Variants in DRC11L observed in about 807,000 individuals in gnomAD.
DRC11L encodes dynein regulatory complex subunit 11 like, also known as dynein regulatory complex subunit like-11.
At chr7:151,195,554 A>T in the DRC11L span, 1 of 399,812 alleles carries the variant, frequency 2.5e-6, no homozygotes, top group Non-Finnish European at 4.4e-6. Flanking sequence ...TCCCCTGCCC[A>T]GCCCCAGCCC....
chr7:151,191,219 G>A, the DRC11L span: 1 of 397,888 alleles, frequency 2.5e-6, no homozygotes, highest in Non-Finnish European at 4.4e-6. Context: ...TTAGTGCTGG[G>A]GTTTCCCTTG....
the DRC11L span, chr7:151,195,560 A>T: frequency 2.5e-6 from 1 of 399,608 alleles, no homozygotes; most frequent in Middle Eastern, 6.3e-4. Flanking sequence ...GCCCAGCCCC[A>T]GCCCCTCATC....
At chr7:151,199,198 G>A in the DRC11L span, among the ~76,000 whole-genome samples, 4 of 152,120 alleles carry the variant, frequency 2.6e-5, no homozygotes, top group South Asian at 2.1e-4. The surrounding 1 kb of genome is among the most constrained non-coding windows in gnomAD (Gnocchi z 5.2). Flanking sequence ...GTTTGGAGCC[G>A]AATTCGTCTG....
At chr7:151,201,026 C>T in the DRC11L span, among the ~76,000 whole-genome samples, 1 of 152,184 alleles carries the variant, frequency 6.6e-6, no homozygotes, top group Admixed American at 6.5e-5. This position sits in a 1 kb window ranked among gnomAD's most constrained non-coding sequence, Gnocchi z 4.1. Context: ...GGCCCAAGAC[C>T]CCATCTGTGC....
chr7:151,191,801 A>G, the DRC11L span: 53 of 398,992 alleles, frequency 1.3e-4, 1 homozygote, highest in East Asian at 1.8e-3. Flanking sequence ...GCCATCGGAG[A>G]CCTTGGCTAG....
the DRC11L span, chr7:151,193,102 C>G: frequency 6.8e-5 from 27 of 397,670 alleles, no homozygotes; most frequent in Non-Finnish European, 1.1e-4. Context: ...CCTCCCTTTT[C>G]CCTTCATTCC....
At chr7:151,203,453 T>C in the DRC11L span, 1 of 399,032 alleles carries the variant, frequency 2.5e-6, no homozygotes, top group Non-Finnish European at 4.4e-6. Flanking sequence ...CAGCCCTCGC[T>C]CCCGCACAGT....
At chr7:151,194,421 A>C in the DRC11L span, 1 of 398,954 alleles carries the variant, frequency 2.5e-6, no homozygotes, top group Admixed American at 4.4e-5. Context: ...CAATCAGGTG[A>C]TCAGCCACAG....
At chr7:151,199,867 G>C in the DRC11L span, among the ~76,000 whole-genome samples, 5 of 152,224 alleles carry the variant, frequency 3.3e-5, no homozygotes, top group Non-Finnish European at 7.4e-5. This position sits in a 1 kb window ranked among gnomAD's most constrained non-coding sequence, Gnocchi z 5.2. Flanking sequence ...AGAGGACAGA[G>C]AACAGGGGAT....
chr7:151,202,976 C>G, the DRC11L span: 19,530 of 399,698 alleles, frequency 0.049, 1,800 homozygotes, highest in African/African-American at 0.26. Context: ...CGAATCCTCC[C>G]ATCCTGCTCC....
chr7:151,194,313 T>C, the DRC11L span: 1 of 399,162 alleles, frequency 2.5e-6, no homozygotes, highest in Non-Finnish European at 4.4e-6. Context: ...AGGGATGGCA[T>C]GGGCAACTTC....
chr7:151,198,710 C>T, the DRC11L span: 1 of 398,288 alleles, frequency 2.5e-6, no homozygotes, highest in Admixed American at 4.4e-5. Flanking sequence ...AGGCAGAACC[C>T]ATGCAGGGGA....
the DRC11L span, among the ~76,000 whole-genome samples, chr7:151,192,032 G>C: frequency 7.9e-5 from 12 of 152,322 alleles, no homozygotes; most frequent in African/African-American, 2.6e-4. Context: ...GAAGGTACTG[G>C]ATCTCAAGCT....
chr7:151,203,660 C>T, the DRC11L span: 1 of 393,268 alleles, frequency 2.5e-6, no homozygotes, highest in African/African-American at 2.1e-5. Flanking sequence ...GGTAATGGGG[C>T]AGATACCCCC....
At chr7:151,200,590 G>A in the DRC11L span, 1 of 397,298 alleles carries the variant, frequency 2.5e-6, no homozygotes, top group East Asian at 3.6e-5. Context: ...CCCTGGGCAA[G>A]CCTGCTCAGG....
chr7:151,197,397 A>G, the DRC11L span: 1 of 398,910 alleles, frequency 2.5e-6, no homozygotes, highest in Non-Finnish European at 4.4e-6. Context: ...CCTGGGTTTT[A>G]CAGAAGAGAG....
chr7:151,196,753 C>T, the DRC11L span, among the ~76,000 whole-genome samples: 1 of 152,222 alleles, frequency 6.6e-6, no homozygotes, highest in Non-Finnish European at 1.5e-5. Context: ...GGCAAATAGG[C>T]TTGACCCCAA....
At chr7:151,204,306 T>A in the DRC11L span, among the ~76,000 whole-genome samples, 1 of 152,124 alleles carries the variant, frequency 6.6e-6, no homozygotes, top group Non-Finnish European at 1.5e-5. Context: ...CTGCCCTCCT[T>A]CCTTTCCTAG....
chr7:151,197,401 A>G, the DRC11L span: 164 of 398,980 alleles, frequency 4.1e-4, no homozygotes, highest in African/African-American at 3.0e-3. Flanking sequence ...GGTTTTACAG[A>G]AGAGAGCTGG....
Sources: allele counts gnomAD v4.1 joint callset (sites outside exome capture counted in the v4.1 genomes callset), GRCh38; gene constraint gnomAD v4.1.1; non-coding constraint Gnocchi (gnomAD v3.1); transcripts MANE v1.5; gene names NCBI Gene and HGNC (gene_info 2026-07-23, HGNC 2026-07-21).